Variants in PCLO observed in about 807,000 individuals in gnomAD.
PCLO encodes piccolo presynaptic cytomatrix protein, also known as protein piccolo.
A neutral mutation model predicts 427.5 loss-of-function variants in PCLO; 82 were observed. The observed-to-expected ratio is 0.19, with a 90% confidence interval of 0.16 to 0.23. The LOEUF (loss-of-function observed/expected upper bound fraction) is 0.23, where lower values mean the gene tolerates loss of function less well. Ranked by LOEUF, PCLO falls within the 10% of genes least tolerant of loss-of-function variation. The probability of loss-of-function intolerance (pLI) is 1.00; values close to 1 mark genes in which losing one functional copy is unlikely to be tolerated. For missense variants in PCLO, 6,239 were observed against 6,115.9 expected, an observed-to-expected ratio of 1.02 and a Z score of -0.67; for synonymous variants, 2,357 against 2,155.4, an observed-to-expected ratio of 1.09 and a Z score of -2.59.
At chr7:83,140,275 T>C (rs1791828909) in intron 2 of PCLO, among the ~76,000 whole-genome samples, 1 of 152,186 alleles carries the variant, frequency 6.6e-6, no homozygotes, top group Non-Finnish European at 1.5e-5. Flanking sequence ...TTATTATTTC[T>C]CAAACACTTC....
intron 10 of PCLO, among the ~76,000 whole-genome samples, chr7:82,858,438 T>TG (rs1176967355): frequency 6.6e-6 from 1 of 152,136 alleles, no homozygotes; most frequent in African/African-American, 2.4e-5. Context: ...AACATAGTAC[T>TG]GGAAGTCCTA....
intron 20 of PCLO, among the ~76,000 whole-genome samples, chr7:82,810,664 T>A (rs1477375636): frequency 6.6e-6 from 1 of 151,730 alleles, no homozygotes; most frequent in Non-Finnish European, 1.5e-5. Flanking sequence ...CCATTTCACT[T>A]TCTTTGGCTG....
rs553663105 is a variant in PCLO, at chr7:83,154,790, G to C, written c.1851C>G (p.Val617=). The C allele has an allele frequency of 3.1e-6, 5 of 1,613,968 alleles. No individual in the cohort carries two copies. The highest frequency in any genetic ancestry group is 4.2e-6 in the Non-Finnish European group (5 of 1,179,850). ...FNTCTECQTT[V]CSLCGFNPNP... is the part of the protein sequence containing the mutation. Reference sequence around the variant, plus strand: ...TGGGATTAAAACCACAGAGACTACAGACAGTGGTTTGACACTCAGTGCATG... The same window carrying C: ...TGGGATTAAAACCACAGAGACTACACACAGTGGTTTGACACTCAGTGCATG... The change falls in exon 2 of 25, where the codon GTC becomes GTG. Residue 617 remains valine, a synonymous_variant. Transcript: ENST00000333891.
At chr7:82,842,581 G>T (rs1188863498) in intron 13 of PCLO, among the ~76,000 whole-genome samples, 1 of 152,050 alleles carries the variant, frequency 6.6e-6, no homozygotes, top group Non-Finnish European at 1.5e-5. Flanking sequence ...TAGCCAATCA[G>T]CTTCTGCTGA....
At chr7:83,068,282 A>G (rs551411938) in intron 3 of PCLO, among the ~76,000 whole-genome samples, 1 of 152,280 alleles carries the variant, frequency 6.6e-6, no homozygotes, top group Non-Finnish European at 1.5e-5. Flanking sequence ...AGTAAAAGGT[A>G]AGCAGAGAAA....
At position 82,757,753 on chromosome 7, in the gene PCLO, A is replaced by G. The variant is rs1327066670; in HGVS notation, c.*822T>C. On this transcript the variant is annotated 3_prime_UTR_variant, in exon 25 of 25. Coordinates refer to ENST00000333891, the MANE Select transcript of PCLO (RefSeq NM_033026.6). ...AGATGTCTTGGCTTAATGGTAAATT[A>G]TGAAGATTTTGATGGTTTCAACCAA... is the stretch of plus-strand genomic sequence containing the variant. 1 of 151,998 alleles carries G rather than the reference A, an allele frequency of 6.6e-6. No individual in the cohort carries two copies. The highest frequency in any genetic ancestry group is 1.5e-5 in the Non-Finnish European group (1 of 67,918). The allele number at this position is 151,998 out of a possible 1,614,324, so 9.4% of individuals were successfully genotyped here. A position where few individuals can be genotyped will look rare whatever the true frequency, so the allele number is the denominator to read the frequency against.
Position 82,956,913 on chromosome 7 carries a change from T to A in PCLO, c.4040A>T (p.Asp1347Val), listed in dbSNP as rs1362641578. 2 of 1,605,140 alleles carry A rather than the reference T, an allele frequency of 1.2e-6. No individual in the cohort carries two copies. Among genetic ancestry groups the A allele is most frequent in the African/African-American group, 2.7e-5 (2 of 74,412 alleles). Residue 1347 changes from aspartate to valine, a missense_variant, in exon 5 of 25, where the codon GAC (aspartate) becomes GTC (valine). Around this residue, in one of 5 missense-constraint regions of PCLO, gnomAD observed 4,677 missense variants for 4,468.4 expected, o/e 1.05. Coordinates refer to ENST00000333891, the MANE Select transcript of PCLO (RefSeq NM_033026.6). ...TTTAGGCTGCTGAGAACTTGAGGTGTCTGATTTGTCATCTTCCTTTTCCTA... is the reference window on the plus strand; with the variant it reads ...TTTAGGCTGCTGAGAACTTGAGGTGACTGATTTGTCATCTTCCTTTTCCTA... ...EKTEKEDDKS[D>V]TSSSQQPKSP...
chr7:82,898,176 T>C (rs1793952835), intron 9 of PCLO, among the ~76,000 whole-genome samples: 1 of 151,502 alleles, frequency 6.6e-6, no homozygotes, highest in African/African-American at 2.4e-5. Flanking sequence ...TGAAGTCACA[T>C]ATTAAATAAC....
chr7:82,905,680 A>G (rs1281241369), intron 8 of PCLO, among the ~76,000 whole-genome samples: 2 of 151,958 alleles, frequency 1.3e-5, no homozygotes, highest in Non-Finnish European at 2.9e-5. Context: ...TTGCCAAGGG[A>G]TGAGTGGAGG....
chr7:82,953,691 G>A lies in PCLO; in HGVS notation c.7262C>T (p.Pro2421Leu), dbSNP rs1196374147. ...TGGAGGAAGTGGTGGGGGAGGAGGGGGTGGTGGTGGAGGAGGAGGAGGAGG... is the reference window on the plus strand; with the variant it reads ...TGGAGGAAGTGGTGGGGGAGGAGGGAGTGGTGGTGGAGGAGGAGGAGGAGG... ...PPPPPPPPPP[P>L]PPPPPLPPPT... Residue 2421 changes from proline (P) to leucine (L), a missense_variant, in exon 5 of 25, where the codon CCC (proline) becomes CTC (leucine). By Grantham distance (98) the Pro-to-Leu change is moderately conservative. Transcript: ENST00000333891. The A allele has an allele frequency of 9.2e-7, 1 of 1,083,770 alleles. No homozygotes were observed. Among genetic ancestry groups the A allele is most frequent in the Non-Finnish European group, 1.3e-6 (1 of 753,812 alleles). 67.1% of individuals were successfully genotyped at this position (1,083,770 alleles called of 1,614,324 possible). A position where few individuals can be genotyped will look rare whatever the true frequency, so the allele number is the denominator to read the frequency against.
rs548771702 is a variant in PCLO, at chr7:82,828,874, A to G, written c.14250-908T>C. On this transcript the variant is annotated intron_variant, in intron 16 of 24. Coordinates refer to ENST00000333891, the MANE Select transcript of PCLO (RefSeq NM_033026.6). ...TGTCTCACGTTCTAAATAATACTTC[A>G]TCTGTGGTGGGCACTAGAGTCCTGT... Among the ~76,000 whole-genome samples the G allele has an allele frequency of 3.9e-4, 59 of 152,192 alleles. No homozygotes were observed. In the East Asian group the frequency reaches 0.01, roughly 27 times the overall value.
At chr7:83,140,004 A>G (rs1281307607) in intron 2 of PCLO, among the ~76,000 whole-genome samples, 1 of 152,324 alleles carries the variant, frequency 6.6e-6, no homozygotes, top group East Asian at 1.9e-4. Flanking sequence ...AAAGAAAAAA[A>G]TCTTTCCTAC....
At chr7:83,030,255 T>C (rs1258981360) in intron 3 of PCLO, among the ~76,000 whole-genome samples, 1 of 152,028 alleles carries the variant, frequency 6.6e-6, no homozygotes, top group African/African-American at 2.4e-5. Context: ...ACACTGTGTA[T>C]AGAGCAGAGA....
chr7:82,956,765 A>C lies in PCLO; in HGVS notation c.4188T>G (p.Ser1396=), dbSNP rs184047450. The C allele has an allele frequency of 1.2e-6, 2 of 1,613,880 alleles. No individual in the cohort carries two copies. Among genetic ancestry groups the C allele is most frequent in the African/African-American group, 2.7e-5 (2 of 75,040 alleles). The stretch of plus-strand genomic sequence containing the variant: ...TGGAAGGGCTGCTTTCTTGTGAAAA[A>C]GAGTCCTTTTTGAGTCCCTTGAGAA... ...KDILKGLKKD[S]FSQESSPSSP... is the part of the protein sequence containing the mutation. Residue 1396 remains serine (S), a synonymous_variant, in exon 5 of 25, where the codon TCT becomes TCG. Coordinates refer to ENST00000333891, the MANE Select transcript of PCLO (RefSeq NM_033026.6).
intron 7 of PCLO, among the ~76,000 whole-genome samples, chr7:82,911,868 G>A (rs540450325): frequency 1.6e-4 from 24 of 152,048 alleles, no homozygotes; most frequent in Non-Finnish European, 3.2e-4. Context: ...TGATCCACCC[G>A]CCTCAGCCTC....
At chr7:83,109,348 T>C (rs948279272) in intron 3 of PCLO, among the ~76,000 whole-genome samples, 6 of 152,162 alleles carry the variant, frequency 3.9e-5, no homozygotes, top group Admixed American at 2.0e-4. Flanking sequence ...ATCTGCTGGG[T>C]ACATGATGGA....
At chr7:82,975,471 T>C (rs1434565234) in intron 3 of PCLO, among the ~76,000 whole-genome samples, 4 of 152,150 alleles carry the variant, frequency 2.6e-5, no homozygotes, top group Non-Finnish European at 5.9e-5. Flanking sequence ...CACTAGACTG[T>C]CTAGATAATG....
intron 12 of PCLO, 134 bp downstream of exon 12, chr7:82,846,433 A>T: frequency 1.6e-6 from 1 of 623,816 alleles, no homozygotes; most frequent in Non-Finnish European, 2.8e-6. Flanking sequence ...TACATAAAAA[A>T]ATCTATCCAT....
chr7:82,991,474 T>A (rs891247403), intron 3 of PCLO, among the ~76,000 whole-genome samples: 3 of 152,138 alleles, frequency 2.0e-5, no homozygotes, highest in Non-Finnish European at 2.9e-5. Flanking sequence ...TGGGGGCCAC[T>A]ATTCCTTTTT....
Sources: gnomAD v4.1 joint callset for allele counts (sites outside exome capture counted in the v4.1 genomes callset) on GRCh38, gnomAD v4.1.1 for gene constraint, gnomAD v4.1.1 regional missense constraint, MANE v1.5 for transcripts, NCBI Gene and HGNC (gene_info 2026-07-23, HGNC 2026-07-21) for gene names.